The following NAALADL2 variants were observed in gnomAD, a reference collection of about 807,000 sequenced individuals.
NAALADL2 encodes the protein N-acetylated alpha-linked acidic dipeptidase like 2, also known as inactive N-acetylated-alpha-linked acidic dipeptidase-like protein 2.
Under a neutral mutation model 87.2 loss-of-function variants are expected in NAALADL2, and 76 were observed. The observed-to-expected ratio is 0.87, with a 90% CI of 0.72 to 1.05. The LOEUF is 1.05. NAALADL2 is among the 50% of genes least tolerant of loss of function. The probability of loss-of-function intolerance (pLI) is 0.00; values close to 1 mark genes in which losing one functional copy is unlikely to be tolerated. For missense variants in NAALADL2, 1,089 were observed against 945.8 expected, an observed-to-expected ratio of 1.15 and a Z score of -1.99; for synonymous variants, 354 against 331.0, an observed-to-expected ratio of 1.07 and a Z score of -0.75.
intron 5 of NAALADL2, among the ~76,000 whole-genome samples, chr3:175,426,069 A>G (rs191401949): frequency 7.6e-4 from 116 of 152,330 alleles, no homozygotes; most frequent in Non-Finnish European, 1.4e-3. Flanking sequence ...ATTGTGGATC[A>G]GCAATGACTT....
At chr3:175,219,925 T>C (rs1281202762) in intron 2 of NAALADL2, among the ~76,000 whole-genome samples, 1 of 150,292 alleles carries the variant, frequency 6.7e-6, no homozygotes, top group Non-Finnish European at 1.5e-5. Context: ...AATGCTATCA[T>C]AAATAATATT....
intron 9 of NAALADL2, among the ~76,000 whole-genome samples, chr3:175,494,403 A>ATC (rs1728525609): frequency 6.6e-6 from 1 of 152,124 alleles, no homozygotes; most frequent in Non-Finnish European, 1.5e-5. Flanking sequence ...CACTATGGGA[A>ATC]TCTTTAAAAT....
At chr3:174,963,219 G>A (rs1165337085) in intron 1 of NAALADL2, among the ~76,000 whole-genome samples, 3 of 152,022 alleles carry the variant, frequency 2.0e-5, no homozygotes, top group East Asian at 1.9e-4. Flanking sequence ...AAAACTTGGT[G>A]TGTTTCATGT....
chr3:175,432,859 T>G (rs971639440), intron 5 of NAALADL2, among the ~76,000 whole-genome samples: 1 of 152,100 alleles, frequency 6.6e-6, no homozygotes, highest in Non-Finnish European at 1.5e-5. Context: ...GAATGTGTTC[T>G]GATAGCTATT....
chr3:175,343,394 A>G (rs73184769), intron 5 of NAALADL2, among the ~76,000 whole-genome samples: 11,170 of 152,142 alleles, frequency 0.073, 530 homozygotes, highest in Non-Finnish European at 0.1. Context: ...TTTCTTAACA[A>G]ATTATATGTA....
intron 9 of NAALADL2, among the ~76,000 whole-genome samples, chr3:175,520,514 G>A (rs1322014702): frequency 2.0e-5 from 3 of 151,750 alleles, no homozygotes; most frequent in Admixed American, 1.3e-4. Context: ...TAGCCAGGAT[G>A]GTCTCGATCT....
intron 5 of NAALADL2, among the ~76,000 whole-genome samples, chr3:175,379,189 CTCT>C (rs1477304222): frequency 8.5e-6 from 1 of 117,788 alleles, no homozygotes; most frequent in East Asian, 2.7e-4. Context: ...TTCTTCCTCT[CTCT>C]TTTTTTTTTT....
chr3:175,032,635 G>C (rs774659848), intron 1 of NAALADL2, among the ~76,000 whole-genome samples: 13 of 151,964 alleles, frequency 8.6e-5, no homozygotes, highest in Non-Finnish European at 1.6e-4. Flanking sequence ...TTTCCCAGAT[G>C]TTTGCATGTT....
At chr3:174,765,028 AATAAT>A (rs1030200641) in intron 3 of NAALADL2, among the ~76,000 whole-genome samples, 3 of 152,050 alleles carry the variant, frequency 2.0e-5, no homozygotes, top group African/African-American at 4.8e-5. Flanking sequence ...ACAGCATTAA[AATAAT>A]ACAAAGAGAC....
chr3:175,115,470 A>T (rs1023448204), intron 2 of NAALADL2, among the ~76,000 whole-genome samples: 3 of 142,636 alleles, frequency 2.1e-5, no homozygotes, highest in African/African-American at 8.1e-5. Context: ...AGTCACATGT[A>T]AAACTCTGAG....
chr3:175,135,567 G>A lies in NAALADL2; in HGVS notation c.545+38276G>A, dbSNP rs1295694453. Among the ~76,000 whole-genome samples, 8 of 151,856 alleles carry A rather than the reference G, an allele frequency of 5.3e-5. No individual in the cohort carries two copies. The South Asian group carries it at 6.2e-4, about 12-fold the overall frequency. On this transcript the variant is annotated intron_variant, in intron 2 of 13. Transcript: ENST00000454872. ...TCAAATAAAGTGATTAAAAATTACC[G>A]AGGAAAAAAAATCAGTCAAAAGAAA...
At chr3:175,796,356 A>C (rs1025109260) in intron 13 of NAALADL2, among the ~76,000 whole-genome samples, 1 of 152,166 alleles carries the variant, frequency 6.6e-6, no homozygotes, top group African/African-American at 2.4e-5. Flanking sequence ...GAGGAAAATA[A>C]TTGCAGCCAT....
chr3:174,827,771 A>C (rs1445149819), intron 3 of NAALADL2, among the ~76,000 whole-genome samples: 2 of 152,210 alleles, frequency 1.3e-5, no homozygotes, highest in South Asian at 4.1e-4. Context: ...ATTAAGCTTT[A>C]CTGGACATGA....
At chr3:174,717,565 C>T (rs1009734881) in intron 2 of NAALADL2, among the ~76,000 whole-genome samples, 1 of 152,148 alleles carries the variant, frequency 6.6e-6, no homozygotes, top group African/African-American at 2.4e-5. Context: ...AGACCCATGA[C>T]AAAAGGTGCC....
At chr3:174,465,867 G>A (rs1467741516) in intron 1 of NAALADL2, among the ~76,000 whole-genome samples, 1 of 151,570 alleles carries the variant, frequency 6.6e-6, no homozygotes, top group Middle Eastern at 3.4e-3. Context: ...ACCTCCATTA[G>A]CCAGTTTTCA....
intron 9 of NAALADL2, among the ~76,000 whole-genome samples, chr3:175,479,847 G>A (rs892476856): frequency 2.0e-5 from 3 of 151,618 alleles, no homozygotes; most frequent in African/African-American, 7.3e-5. Flanking sequence ...AGAACATTAA[G>A]CTATTTTAAT....
At chr3:174,787,621 A>ACAC (rs1578931205) in intron 3 of NAALADL2, among the ~76,000 whole-genome samples, 2 of 109,218 alleles carry the variant, frequency 1.8e-5, no homozygotes, top group Non-Finnish European at 3.9e-5. Context: ...ATATATATAT[A>ACAC]GTAGTGACTC....
intron 6 of NAALADL2, among the ~76,000 whole-genome samples, chr3:175,454,986 A>G (rs1262894343): frequency 6.6e-6 from 1 of 152,126 alleles, no homozygotes; most frequent in African/African-American, 2.4e-5. Flanking sequence ...CAGAAAAGGG[A>G]TACCATTGCT....
At chr3:174,840,295 TTATTC>T (rs1239263707) in intron 3 of NAALADL2, among the ~76,000 whole-genome samples, 2 of 152,014 alleles carry the variant, frequency 1.3e-5, no homozygotes, top group Non-Finnish European at 2.9e-5. Context: ...TATTTTTTCA[TTATTC>T]TATTATCAAA....
Sources: allele counts gnomAD v4.1 joint callset (sites outside exome capture counted in the v4.1 genomes callset), GRCh38; gene constraint gnomAD v4.1.1; transcripts MANE v1.5; gene names NCBI Gene and HGNC (gene_info 2026-07-23, HGNC 2026-07-21).